The following ZC3H15 variants were observed in gnomAD, a reference collection of about 807,000 sequenced individuals.
ZC3H15 encodes the protein zinc finger CCCH domain-containing protein 15.
In ZC3H15, 15 loss-of-function variants were observed where a neutral mutation model predicts 51.2. The observed-to-expected ratio is 0.29, with a 90% CI of 0.20 to 0.45. The LOEUF is 0.45. Among genes scored for constraint, ZC3H15 ranks in the 20% least tolerant of loss-of-function variants. ZC3H15 has a pLI of 1.00. For missense variants in ZC3H15, 381 were observed against 494.7 expected, an observed-to-expected ratio of 0.77 and a Z score of 2.18; for synonymous variants, 144 against 162.8, an observed-to-expected ratio of 0.88 and a Z score of 0.88.
intron 2 of ZC3H15, 42 bp from the exon 3 acceptor site, chr2:186,500,140 G>T: frequency 6.5e-7 from 1 of 1,547,848 alleles, no homozygotes; most frequent in Non-Finnish European, 8.7e-7. Flanking sequence ...AAACAATTTT[G>T]TAAACAATCA....
intron 1 of ZC3H15, among the ~76,000 whole-genome samples, chr2:186,493,189 T>C (rs1001165677): frequency 6.6e-6 from 1 of 151,356 alleles, no homozygotes; most frequent in Non-Finnish European, 1.5e-5. Flanking sequence ...AAACTAGAAG[T>C]TAAAAGTGTT....
At chr2:186,508,345 A>T (rs1685501016) in intron 9 of ZC3H15, among the ~76,000 whole-genome samples, 198 bp from the exon 10 acceptor site, 1 of 152,228 alleles carries the variant, frequency 6.6e-6, no homozygotes, top group South Asian at 2.1e-4. Flanking sequence ...GAAAAACAGT[A>T]TTTTATAGTA....
In ZC3H15 at chr2:186,505,612, C is replaced by A; in HGVS notation, c.864+15C>A. 6.3e-7 allele frequency: 1 copy of A among 1,599,326 alleles called. No individual in the cohort carries two copies. Among genetic ancestry groups the A allele is most frequent in the Non-Finnish European group, 8.5e-7 (1 of 1,171,848 alleles). ...AAGCACTAGTGGTATGTCTCAGGCT[C>A]ACCCAAACTGATTCTTTATTCTTCC... On this transcript the variant is annotated intron_variant, in intron 7 of 9. Transcript: ENST00000337859.
intron 2 of ZC3H15, among the ~76,000 whole-genome samples, chr2:186,497,370 A>G (rs1235528921): frequency 6.6e-6 from 1 of 152,322 alleles, no homozygotes; most frequent in East Asian, 1.9e-4. Flanking sequence ...TTGCTCTTCC[A>G]AACTGCTAAC....
chr2:186,490,231 G>A (rs1685172032), intron 1 of ZC3H15, among the ~76,000 whole-genome samples: 1 of 152,130 alleles, frequency 6.6e-6, no homozygotes, highest in South Asian at 2.1e-4. Context: ...AGTCTGAAAT[G>A]GCATATACCA....
At chr2:186,499,723 T>C in intron 2 of ZC3H15, 1 of 390,538 alleles carries the variant, frequency 2.6e-6, no homozygotes, top group Non-Finnish European at 5.0e-6. Context: ...AATTGTTTTG[T>C]TTAATATCCT....
intron 2 of ZC3H15, 23 bp downstream of exon 2, chr2:186,495,357 T>C (rs768785436): frequency 5.3e-6 from 7 of 1,331,346 alleles, no homozygotes; most frequent in Admixed American, 2.7e-5. Flanking sequence ...AATGTCCATA[T>C]CTTTTTATAA....
At chr2:186,492,646 C>A (rs887048719) in intron 1 of ZC3H15, among the ~76,000 whole-genome samples, 2 of 152,140 alleles carry the variant, frequency 1.3e-5, no homozygotes, top group African/African-American at 4.8e-5. Flanking sequence ...ATTGAAAGAT[C>A]TTTTACTGAT....
intron 2 of ZC3H15, among the ~76,000 whole-genome samples, chr2:186,495,650 A>G (rs1685269672): frequency 6.6e-6 from 1 of 152,230 alleles, no homozygotes; most frequent in South Asian, 2.1e-4. Flanking sequence ...GTAGAAATAC[A>G]GGAGTTCTTA....
intron 2 of ZC3H15, among the ~76,000 whole-genome samples, chr2:186,495,599 G>A (rs1056764736): frequency 6.6e-6 from 1 of 152,138 alleles, no homozygotes; most frequent in Admixed American, 6.5e-5. Flanking sequence ...CTGTTCATAA[G>A]TGATCACTTT....
At chr2:186,494,950 A>G (rs1324884201) in intron 1 of ZC3H15, among the ~76,000 whole-genome samples, 2 of 152,084 alleles carry the variant, frequency 1.3e-5, no homozygotes, top group African/African-American at 2.4e-5. Flanking sequence ...CATGTACCCT[A>G]GAACTTAAAG....
Position 186,508,526 on chromosome 2 carries a change from C to T in ZC3H15, c.1091-17C>T. On this transcript the variant is annotated splice_polypyrimidine_tract_variant and intron_variant, in intron 9 of 9. Coordinates refer to ENST00000337859, the MANE Select transcript of ZC3H15 (RefSeq NM_018471.3). ...TTTCTGCTTCTACGCCTTACTGATTCCAGTTTTTATATTTAGAAAACAAAT... is the reference window on the plus strand; with the variant it reads ...TTTCTGCTTCTACGCCTTACTGATTTCAGTTTTTATATTTAGAAAACAAAT... 6.2e-7 allele frequency: 1 copy of T among 1,611,852 alleles called. No individual in the cohort carries two copies. Among genetic ancestry groups the T allele is most frequent in the South Asian group, 1.1e-5 (1 of 90,904 alleles).
intron 6 of ZC3H15, 84 bp downstream of exon 6, chr2:186,504,298 C>G (rs1191812994): frequency 1.7e-6 from 2 of 1,193,228 alleles, no homozygotes; most frequent in African/African-American, 1.6e-5. Context: ...GGGCAATAGC[C>G]TTTTATGAAA....
chr2:186,501,515 A>C, intron 4 of ZC3H15, 90 bp downstream of exon 4: 4 of 1,112,996 alleles, frequency 3.6e-6, no homozygotes, highest in Non-Finnish European at 5.0e-6. Flanking sequence ...GAACATTTCA[A>C]TCTTAATAGA....
chr2:186,507,565 G>C (rs1685488324), intron 9 of ZC3H15: 8 of 433,886 alleles, frequency 1.8e-5, no homozygotes, highest in South Asian at 1.3e-4. Context: ...TGGAGGGAAG[G>C]CTGTCTAGGA....
chr2:186,487,854 G>T (rs1685127381), intron 1 of ZC3H15, among the ~76,000 whole-genome samples: 1 of 152,104 alleles, frequency 6.6e-6, no homozygotes, highest in South Asian at 2.1e-4. Context: ...GCATTGTAGA[G>T]CTTTCTCTAT....
rs528680118 is a variant in ZC3H15, at chr2:186,496,059, A to G, written c.177+725A>G. 1.4e-3 allele frequency among the ~76,000 whole-genome samples: 213 copies of G among 152,310 alleles called. 1 individual carries two copies. The highest frequency in any genetic ancestry group is 4.9e-3 in the African/African-American group (205 of 41,562). On this transcript the variant is annotated intron_variant, in intron 2 of 9. Transcript: ENST00000337859. ...GGTGATATTTCAGTTATGTTTTGCCATGCACCAATTTTTAACTTACATGTA... is the reference window on the plus strand; with the variant it reads ...GGTGATATTTCAGTTATGTTTTGCCGTGCACCAATTTTTAACTTACATGTA...
intron 2 of ZC3H15, among the ~76,000 whole-genome samples, chr2:186,497,946 C>T (rs1328082461): frequency 6.6e-6 from 1 of 152,112 alleles, no homozygotes; most frequent in African/African-American, 2.4e-5. Flanking sequence ...CTGGTCTAGG[C>T]CCTGCGATAC....
At chr2:186,495,646 A>G (rs768695732) in intron 2 of ZC3H15, among the ~76,000 whole-genome samples, 1 of 152,244 alleles carries the variant, frequency 6.6e-6, no homozygotes, top group Non-Finnish European at 1.5e-5. Context: ...ACCTGTAGAA[A>G]TACAGGAGTT....
Sources: allele counts gnomAD v4.1 joint callset (sites outside exome capture counted in the v4.1 genomes callset), GRCh38; gene constraint gnomAD v4.1.1; transcripts MANE v1.5; gene names NCBI Gene and HGNC (gene_info 2026-07-23, HGNC 2026-07-21).